ANKRD36B: variants seen among roughly 807,000 people sequenced by gnomAD.
ANKRD36B encodes ankyrin repeat domain 36B.
Under a neutral mutation model 135.7 loss-of-function variants are expected in ANKRD36B, and 37 were observed. The ratio of observed to expected loss-of-function variants is 0.27; its 90% CI spans 0.21 to 0.36. The LOEUF is 0.36. ANKRD36B is among the 10% of genes least tolerant of loss of function. The pLI is 1.00. For synonymous variants in ANKRD36B, 179 were observed against 348.1 expected (o/e 0.51, Z 5.41); for missense variants, 549 against 1,037.1 (o/e 0.53, Z 6.46).
chr2:97,564,436 T>C (rs1454344021), intron 6 of ANKRD36B, among the ~76,000 whole-genome samples: 1 of 152,162 alleles, frequency 6.6e-6, no homozygotes, highest in African/African-American at 2.4e-5. Context: ...GGTGTTTTAG[T>C]CATGAAGTAT....
intron 14 of ANKRD36B, 105 bp from the exon 15 acceptor site, chr2:97,553,476 T>C (rs1039325335): frequency 2.0e-5 from 27 of 1,338,842 alleles, no homozygotes; most frequent in East Asian, 1.5e-4. Flanking sequence ...CCTGTATTAG[T>C]GTAGGCTTTG....
Position 97,589,713 on chromosome 2 carries a change from G to C in ANKRD36B, c.-28C>G, listed in dbSNP as rs571958025. The C allele has an allele frequency of 6.2e-7, 1 of 1,613,810 alleles. No individual in the cohort carries two copies. Among genetic ancestry groups the C allele is most frequent in the South Asian group, 1.1e-5 (1 of 91,062 alleles). ...GGGTGGGCCACCTCTCCCGCTCGTC[G>C]TCTTCCTTAATCGTCGGCTGCAAAT... On this transcript the variant is annotated 5_prime_UTR_variant, in exon 1 of 44. Transcript: ENST00000359901.
At position 97,530,680 on chromosome 2, in the gene ANKRD36B, A is replaced by C. The variant is rs1292632742; in HGVS notation, c.2265+1631T>G. Among the ~76,000 whole-genome samples the C allele has an allele frequency of 1.2e-4, 12 of 96,570 alleles. 3 individuals are homozygous for C. The highest frequency in any genetic ancestry group is 9.2e-4 in the Admixed American group (10 of 10,876). 63.4% of individuals were successfully genotyped at this position (96,570 alleles called of 152,430 possible). On this transcript the variant is annotated intron_variant, in intron 35 of 43. Coordinates refer to ENST00000359901, the MANE Select transcript of ANKRD36B (RefSeq NM_001393939.1). ...ATCTGACAAAGGGCTAATATCCAGAATCTACAAAGAACTCAAACAAATTTA... is the reference window on the plus strand; with the variant it reads ...ATCTGACAAAGGGCTAATATCCAGACTCTACAAAGAACTCAAACAAATTTA...
rs780982924 is a variant in ANKRD36B, at chr2:97,538,305, A to G, written c.2016+30T>C. The G allele has an allele frequency of 1.8e-5, 18 of 980,738 alleles. 2 individuals carry two copies. The Admixed American group carries it at 4.5e-4, about 24-fold the overall frequency. 60.8% of individuals were successfully genotyped at this position (980,738 alleles called of 1,614,324 possible). A position where few individuals can be genotyped will look rare whatever the true frequency, so the allele number is the denominator to read the frequency against. ...ATATTTCATAGGCTATGCAATAAATAATTCAAAATATAAATGAAAGAGTAA... is the reference window on the plus strand; with the variant it reads ...ATATTTCATAGGCTATGCAATAAATGATTCAAAATATAAATGAAAGAGTAA... On this transcript the variant is annotated intron_variant, in intron 31 of 43. Transcript: ENST00000359901.
intron 40 of ANKRD36B, among the ~76,000 whole-genome samples, chr2:97,508,770 T>C (rs1302087074): frequency 9.2e-6 from 1 of 108,630 alleles, no homozygotes; most frequent in African/African-American, 2.5e-5. Context: ...AGGTCATCAT[T>C]AGGAGAGAAG....
At chr2:97,584,571 A>C (rs2082844161) in intron 3 of ANKRD36B, among the ~76,000 whole-genome samples, 1 of 151,542 alleles carries the variant, frequency 6.6e-6, no homozygotes, top group African/African-American at 2.4e-5. Context: ...TTGACATTTA[A>C]AATAAAGCCT....
At position 97,578,939 on chromosome 2, in the gene ANKRD36B, G is replaced by A. The variant is rs1273713955; in HGVS notation, c.662C>T (p.Ala221Val). The A allele has an allele frequency of 3.1e-6, 5 of 1,612,802 alleles. No homozygotes were observed. Residue 221 changes from alanine to valine, a missense_variant, in exon 5 of 44, where the codon GCA becomes GTA. Coordinates refer to ENST00000359901, the MANE Select transcript of ANKRD36B (RefSeq NM_001393939.1). ...VFSRDVYGKL[A>V]EDYASEAENR... ...CTCAGCCTCACTGGCATAATCTTCT[G>A]CAAGCTTTCCATACACATCTCGAGA...
intron 30 of ANKRD36B, among the ~76,000 whole-genome samples, chr2:97,539,464 C>T (rs2079042335): frequency 1.0e-5 from 1 of 96,802 alleles, no homozygotes; most frequent in Middle Eastern, 5.1e-3. Context: ...AAAATCAAAT[C>T]TTCTTTTAGG....
At chr2:97,576,163 G>C (rs13417653) in intron 6 of ANKRD36B, among the ~76,000 whole-genome samples, 82,564 of 149,090 alleles carry the variant, frequency 0.55, 24,531 homozygotes, top group Non-Finnish European at 0.67. Context: ...TACTAGGAAC[G>C]ATAATTAAAT....
chr2:97,573,619 C>T (rs576575444), intron 6 of ANKRD36B, among the ~76,000 whole-genome samples: 3 of 152,216 alleles, frequency 2.0e-5, no homozygotes, highest in African/African-American at 4.8e-5. Context: ...GGAGGCATCA[C>T]GCTACCTGAC....
At position 97,589,229 on chromosome 2, in the gene ANKRD36B, A is replaced by G. The variant is rs1814509; in HGVS notation, c.161+296T>C. Among the ~76,000 whole-genome samples the G allele has an allele frequency of 7.6e-4, 77 of 101,332 alleles. 1 individual carries two copies. The East Asian group carries it at 0.019, about 25-fold the overall frequency. 66.5% of individuals were successfully genotyped at this position (101,332 alleles called of 152,430 possible). A position where few individuals can be genotyped will look rare whatever the true frequency, so the allele number is the denominator to read the frequency against. ...TCACCCCATCTCCCCACCCCACACC[A>G]TCCACGCCCCTACCCCCCAAGCCTT... On this transcript the variant is annotated intron_variant, in intron 1 of 43. Coordinates refer to ENST00000359901, the MANE Select transcript of ANKRD36B (RefSeq NM_001393939.1).
In ANKRD36B at chr2:97,536,355, T is replaced by C; in HGVS notation, c.2136A>G (p.Lys712=). Residue 712 remains lysine (K), a synonymous_variant, in exon 34 of 44, where the codon AAA becomes AAG. Transcript: ENST00000359901. ...TGGTGGCTGTATTCAGAACAGAATCTTTATTTTCAATTGTAGCCTGAATGG... is the reference window on the plus strand; with the variant it reads ...TGGTGGCTGTATTCAGAACAGAATCCTTATTTTCAATTGTAGCCTGAATGG... ...LRTLKATIEN[K]DSVLNTATKM... 3.2e-6 allele frequency: 3 copies of C among 941,924 alleles called. 1 individual carries two copies. In the East Asian group the frequency reaches 7.8e-5, roughly 25 times the overall value. 58.3% of individuals were successfully genotyped at this position (941,924 alleles called of 1,614,324 possible). A position where few individuals can be genotyped will look rare whatever the true frequency, so the allele number is the denominator to read the frequency against.
Position 97,535,136 on chromosome 2 carries a change from A to T in ANKRD36B, c.2191+1164T>A, listed in dbSNP as rs1454446159. Among the ~76,000 whole-genome samples the T allele has an allele frequency of 7.1e-5, 7 of 98,012 alleles. 2 individuals carry two copies. The allele number at this position is 98,012 out of a possible 152,430, so 64.3% of individuals were successfully genotyped here. A position where few individuals can be genotyped will look rare whatever the true frequency, so the allele number is the denominator to read the frequency against. On this transcript the variant is annotated intron_variant, in intron 34 of 43. Coordinates refer to ENST00000359901, the MANE Select transcript of ANKRD36B (RefSeq NM_001393939.1). ...GAAATTTAAAAAATAGAGCTCATGG[A>T]GATGAAGAGAAAAATCACCATTACC...
rs1282190137 is a variant in ANKRD36B, at chr2:97,585,372, G to A, written c.188C>T (p.Thr63Ile). The A allele has an allele frequency of 4.5e-6, 7 of 1,570,672 alleles. No homozygotes were observed. The highest frequency in any genetic ancestry group is 1.2e-5 in the South Asian group (1 of 85,434). Residue 63 changes from threonine (T) to isoleucine (I), a missense_variant, in exon 2 of 44, where the codon ACT becomes ATT. By Grantham distance (89) the Thr-to-Ile change is moderately conservative. Coordinates refer to ENST00000359901, the MANE Select transcript of ANKRD36B (RefSeq NM_001393939.1). ...GAGATGTACCATTTCCGGTTGGCCA[G>A]TGGCACAGGCCAAATGTAGGGCAGT... ...ERTALHLACATGQPEMVHLLV... is the reference protein window; with the variant it reads ...ERTALHLACAIGQPEMVHLLV...
At chr2:97,571,965 T>A (rs1331116477) in intron 6 of ANKRD36B, among the ~76,000 whole-genome samples, 1 of 152,056 alleles carries the variant, frequency 6.6e-6, no homozygotes, top group Non-Finnish European at 1.5e-5. Context: ...GACTTTAAAC[T>A]CCCTTTGGAG....
At chr2:97,559,958 A>G (rs942130787) in intron 8 of ANKRD36B, among the ~76,000 whole-genome samples, 3 of 151,934 alleles carry the variant, frequency 2.0e-5, no homozygotes, top group Non-Finnish European at 2.9e-5. Context: ...TTTTATAAGT[A>G]AAGTCAACAA....
At chr2:97,587,448 T>C (rs1323561457) in intron 1 of ANKRD36B, among the ~76,000 whole-genome samples, 2 of 152,170 alleles carry the variant, frequency 1.3e-5, no homozygotes, top group Admixed American at 1.3e-4. Context: ...ACCAACTTTT[T>C]TTCAGAGTAC....
intron 6 of ANKRD36B, among the ~76,000 whole-genome samples, chr2:97,565,812 G>A (rs1022711555): frequency 3.9e-5 from 6 of 151,920 alleles, no homozygotes; most frequent in Middle Eastern, 6.3e-3. Flanking sequence ...CAAGGATCTA[G>A]AACCGGAAAT....
chr2:97,578,653 G>A (rs1577092715), intron 5 of ANKRD36B, among the ~76,000 whole-genome samples: 1 of 152,012 alleles, frequency 6.6e-6, no homozygotes, highest in Non-Finnish European at 1.5e-5. Flanking sequence ...GACAACATTG[G>A]AATCCCTAAG....
Sources: allele counts gnomAD v4.1 joint callset (sites outside exome capture counted in the v4.1 genomes callset), GRCh38; gene constraint gnomAD v4.1.1; transcripts MANE v1.5; gene names NCBI Gene and HGNC (gene_info 2026-07-23, HGNC 2026-07-21).